UCK2: variants seen among roughly 807,000 people sequenced by gnomAD.
The protein encoded by UCK2 is cytidine monophosphokinase 2.
In UCK2, 6 loss-of-function variants were observed where a neutral mutation model predicts 30.8. The ratio of observed to expected loss-of-function variants is 0.19; its 90% CI spans 0.11 to 0.38. UCK2 has a LOEUF of 0.38. UCK2 is among the 10% of genes least tolerant of loss of function. The pLI is 1.00. For missense variants in UCK2, 210 were observed against 339.8 expected (o/e 0.62, Z 3.00); for synonymous variants, 125 against 133.6 (o/e 0.94, Z 0.45).
At chr1:165,888,298 T>G (rs1188284627) in intron 1 of UCK2, among the ~76,000 whole-genome samples, 1 of 152,110 alleles carries the variant, frequency 6.6e-6, no homozygotes, top group African/African-American at 2.4e-5. Flanking sequence ...TCTTTTCTCT[T>G]TTTTCTTTTT....
At position 165,907,769 on chromosome 1, in the gene UCK2, C is replaced by T. The variant is rs1381753003; in HGVS notation, c.732C>T (p.Gly244=). The T allele has an allele frequency of 6.2e-7, 1 of 1,614,188 alleles. No homozygotes were observed. The highest frequency in any genetic ancestry group is 1.1e-5 in the South Asian group (1 of 91,086). The stretch of plus-strand genomic sequence containing the variant: ...GGCAGACCAATGGCTGTCTCAACGG[C>T]TACACCCCTTCACGCAAGAGGCAGG... The part of the protein sequence containing the change: ...SKRQTNGCLN[G]YTPSRKRQAS... Residue 244 remains glycine, a synonymous_variant, in exon 7 of 7, where the codon GGC becomes GGT. Transcript: ENST00000367879.
intron 1 of UCK2, among the ~76,000 whole-genome samples, chr1:165,865,320 C>G (rs1655021722): frequency 6.6e-6 from 1 of 152,136 alleles, no homozygotes; most frequent in Admixed American, 6.5e-5. Flanking sequence ...GTGCAGAATT[C>G]TTGGTGCTTG....
chr1:165,890,209 C>G lies in UCK2; in HGVS notation c.105C>G (p.Ser35=), dbSNP rs759023974. ...VSGGTASGKS[S]VCAKIVQLLG... ...GCTCTCTTCTCTCCTCACAGTCTTC[C>G]GTGTGTGCTAAGATCGTGCAGCTCC... Residue 35 remains serine (S), a synonymous_variant, in exon 2 of 7, where the codon TCC becomes TCG. Transcript: ENST00000367879. 2 of 1,613,920 alleles carry G rather than the reference C, an allele frequency of 1.2e-6. No homozygotes were observed. The highest frequency in any genetic ancestry group is 2.2e-5 in the South Asian group (2 of 91,066).
chr1:165,901,128 C>T (rs760545135), intron 4 of UCK2, among the ~76,000 whole-genome samples: 54 of 152,264 alleles, frequency 3.5e-4, no homozygotes, highest in Non-Finnish European at 7.1e-4. Flanking sequence ...AGCAGCAGGT[C>T]GGCAGCAGGA....
chr1:165,897,026 G>A (rs139368539), intron 4 of UCK2, among the ~76,000 whole-genome samples: 95 of 152,360 alleles, frequency 6.2e-4, no homozygotes, highest in Admixed American at 1.4e-3. Context: ...GGAGGAAGAA[G>A]GGTTGGGACT....
intron 1 of UCK2, among the ~76,000 whole-genome samples, chr1:165,836,207 G>A (rs1239602496): frequency 3.3e-5 from 5 of 151,142 alleles, no homozygotes; most frequent in Non-Finnish European, 4.4e-5. Flanking sequence ...CAGCCTGGGC[G>A]ACAAGAGCAA....
chr1:165,840,794 C>A (rs780776202), intron 1 of UCK2, among the ~76,000 whole-genome samples: 10 of 152,088 alleles, frequency 6.6e-5, no homozygotes, highest in Non-Finnish European at 1.3e-4. Flanking sequence ...GAGTTAAGGT[C>A]TCTTGTTTTG....
chr1:165,865,641 T>C (rs1215993873), intron 1 of UCK2, among the ~76,000 whole-genome samples: 1 of 152,114 alleles, frequency 6.6e-6, no homozygotes, highest in Non-Finnish European at 1.5e-5. Context: ...ACCGACAGAC[T>C]GTCCATTCCG....
chr1:165,851,726 G>A (rs2101858515), intron 1 of UCK2, among the ~76,000 whole-genome samples: 2 of 151,976 alleles, frequency 1.3e-5, no homozygotes, highest in South Asian at 2.1e-4. Flanking sequence ...CTATTGACTC[G>A]TCCTCTAAGT....
chr1:165,827,838 C>T lies in UCK2; in HGVS notation c.5C>T (p.Ala2Val), dbSNP rs1190207746. ...GGAGGAGGGGCGGCGCGAACCATGG[C>T]CGGGGACAGCGAGCAGACCCTGCAG... MAGDSEQTLQNH... is the reference protein window; with the variant it reads MVGDSEQTLQNH... Residue 2 changes from alanine (A) to valine (V), a missense_variant, in exon 1 of 7, where the codon GCC becomes GTC. Transcript: ENST00000367879. 2 of 1,454,712 alleles carry T rather than the reference C, an allele frequency of 1.4e-6. No individual in the cohort carries two copies. The highest frequency in any genetic ancestry group is 9.1e-7 in the Non-Finnish European group (1 of 1,095,114). 90.1% of individuals were successfully genotyped at this position (1,454,712 alleles called of 1,614,324 possible). A position where few individuals can be genotyped will look rare whatever the true frequency, so the allele number is the denominator to read the frequency against.
intron 3 of UCK2, chr1:165,891,729 A>G (rs1026952989): frequency 5.6e-6 from 1 of 179,664 alleles, no homozygotes; most frequent in African/African-American, 2.4e-5. Context: ...TTGGGATTGG[A>G]CAATGTGGAG....
At chr1:165,854,573 A>G (rs1654679929) in intron 1 of UCK2, among the ~76,000 whole-genome samples, 1 of 151,434 alleles carries the variant, frequency 6.6e-6, no homozygotes, top group South Asian at 2.1e-4. Flanking sequence ...TAGACTGTAC[A>G]TTGCTAACTA....
rs557967147 is a variant in UCK2, at chr1:165,874,978, A to G, written c.100-15226A>G. ...TGATAATGTAGTTTTGTGCCGTTTT[A>G]TAGACGTGAAGAAAATAAAACTAAT... On this transcript the variant is annotated intron_variant, in intron 1 of 6. Coordinates refer to ENST00000367879, the MANE Select transcript of UCK2 (RefSeq NM_012474.5). 9.6e-4 allele frequency among the ~76,000 whole-genome samples: 145 copies of G among 151,684 alleles called. No individual in the cohort carries two copies. The Middle Eastern group carries it at 0.01, about 11-fold the overall frequency.
chr1:165,835,420 T>A (rs1654163743), intron 1 of UCK2, among the ~76,000 whole-genome samples: 1 of 152,018 alleles, frequency 6.6e-6, no homozygotes, highest in Non-Finnish European at 1.5e-5. Context: ...CAGGCTGGCA[T>A]GAACTCCTGG....
At chr1:165,828,895 T>G (rs1653967606) in intron 1 of UCK2, among the ~76,000 whole-genome samples, 2 of 152,152 alleles carry the variant, frequency 1.3e-5, no homozygotes, top group African/African-American at 4.8e-5. Flanking sequence ...TCCAACTTCA[T>G]TTGGAGCACG....
rs1647764096 is a variant in UCK2 at position 165,908,934 on chromosome 1, T to G, written c.*1111T>G. The G allele has an allele frequency of 6.6e-6, 1 of 151,858 alleles. No individual in the cohort carries two copies. The highest frequency in any genetic ancestry group is 2.4e-5 in the African/African-American group (1 of 41,230). The allele number at this position is 151,858 out of a possible 1,614,324, so 9.4% of individuals were successfully genotyped here. On this transcript the variant is annotated 3_prime_UTR_variant, in exon 7 of 7. Coordinates refer to ENST00000367879, the MANE Select transcript of UCK2 (RefSeq NM_012474.5). ...CGCTTCCTGGAGGTTTGCAGTGAGGTGAGGAGAGTAACTTTGGTCAGGGAT... is the reference window on the plus strand; with the variant it reads ...CGCTTCCTGGAGGTTTGCAGTGAGGGGAGGAGAGTAACTTTGGTCAGGGAT...
At chr1:165,852,060 T>G (rs182613723) in intron 1 of UCK2, among the ~76,000 whole-genome samples, 5 of 152,302 alleles carry the variant, frequency 3.3e-5, no homozygotes, top group African/African-American at 9.6e-5. Flanking sequence ...ACATGTGTCT[T>G]TATAGTAGAA....
intron 1 of UCK2, among the ~76,000 whole-genome samples, chr1:165,835,692 A>G (rs1256109915): frequency 1.3e-5 from 2 of 152,202 alleles, no homozygotes; most frequent in Non-Finnish European, 2.9e-5. Flanking sequence ...TAGATGAACA[A>G]GCTCTTATTT....
intron 1 of UCK2, among the ~76,000 whole-genome samples, chr1:165,851,658 G>A (rs1185355919): frequency 6.6e-6 from 1 of 151,876 alleles, no homozygotes; most frequent in African/African-American, 2.4e-5. Context: ...TGGGATACAT[G>A]TGCAGAACGT....
Sources: allele counts gnomAD v4.1 joint callset (sites outside exome capture counted in the v4.1 genomes callset), GRCh38; gene constraint gnomAD v4.1.1; transcripts MANE v1.5; gene names NCBI Gene and HGNC (gene_info 2026-07-23, HGNC 2026-07-21).